Variants in KCNQ1 observed in about 807,000 individuals in gnomAD.
KCNQ1 encodes potassium voltage-gated channel subfamily Q member 1, also known as potassium voltage-gated channel subfamily KQT member 1.
A neutral mutation model predicts 72.4 loss-of-function variants in KCNQ1; 49 were observed. The observed-to-expected ratio is 0.68, with a 90% CI of 0.54 to 0.86. KCNQ1 has a LOEUF of 0.86. Among genes scored for constraint, KCNQ1 ranks in the 40% least tolerant of loss-of-function variants. The probability of loss-of-function intolerance (pLI) is 0.00; values close to 1 mark genes in which losing one functional copy is unlikely to be tolerated. For missense variants in KCNQ1, 790 were observed against 945.1 expected (o/e 0.84, Z 2.15); for synonymous variants, 450 against 412.6 (o/e 1.09, Z -1.10).
At chr11:2,511,593 G>T (rs1333581373) in intron 1 of KCNQ1, among the ~76,000 whole-genome samples, 1 of 152,190 alleles carries the variant, frequency 6.6e-6, no homozygotes, top group Non-Finnish European at 1.5e-5. Flanking sequence ...GCCAGAGCTG[G>T]GCTCCTGTTG....
chr11:2,472,084 A>G (rs1846485893), intron 1 of KCNQ1, among the ~76,000 whole-genome samples: 1 of 146,734 alleles, frequency 6.8e-6, no homozygotes, highest in Admixed American at 6.8e-5. Flanking sequence ...GTGTTCATGT[A>G]TATATGGGTG....
chr11:2,649,169 C>T, intron 10 of KCNQ1: 1 of 397,938 alleles, frequency 2.5e-6, no homozygotes, highest in East Asian at 3.6e-5. Context: ...TTCATTTAGC[C>T]AGTATCTATC....
At chr11:2,721,289 AG>A (rs1332034566) in intron 11 of KCNQ1, among the ~76,000 whole-genome samples, 1 of 152,174 alleles carries the variant, frequency 6.6e-6, no homozygotes, top group East Asian at 1.9e-4. Flanking sequence ...GGGGTTGAAA[AG>A]CTACCCGCAG....
At chr11:2,577,355 A>G (rs1221530731) in intron 6 of KCNQ1, among the ~76,000 whole-genome samples, 1 of 152,216 alleles carries the variant, frequency 6.6e-6, no homozygotes, top group South Asian at 2.1e-4. Context: ...GCCCAGGAGC[A>G]GGGAGGCCTC....
At chr11:2,459,969 T>C (rs1250063046) in intron 1 of KCNQ1, among the ~76,000 whole-genome samples, 1 of 152,184 alleles carries the variant, frequency 6.6e-6, no homozygotes, top group East Asian at 1.9e-4. Context: ...AATTTAATAG[T>C]AGCTGACGTG....
In KCNQ1 at chr11:2,598,896, A is replaced by G. The variant is rs1043260727; in HGVS notation, c.1393+10042A>G. Among the ~76,000 whole-genome samples the G allele has an allele frequency of 6.6e-6, 1 of 152,206 alleles. No homozygotes were observed. The highest frequency in any genetic ancestry group is 1.5e-5 in the Non-Finnish European group (1 of 68,032). On this transcript the variant is annotated intron_variant, in intron 10 of 15. Coordinates refer to ENST00000155840, the MANE Select transcript of KCNQ1 (RefSeq NM_000218.3). The surrounding 1 kb of genome is among the most constrained non-coding windows in gnomAD (Gnocchi z 6.2). ...TTGACTGAGTGAGTTAGAACATGTA[A>G]GTGCTCACCCAGGACCCATATGCAG...
At chr11:2,837,622 G>A (rs1489874209) in intron 15 of KCNQ1, among the ~76,000 whole-genome samples, 1 of 152,112 alleles carries the variant, frequency 6.6e-6, no homozygotes, top group Non-Finnish European at 1.5e-5. Flanking sequence ...AGAGGTGGGG[G>A]ATGGAAAGCA....
chr11:2,609,759 A>G (rs1161617830), intron 10 of KCNQ1: 3 of 398,094 alleles, frequency 7.5e-6, no homozygotes, highest in Admixed American at 4.4e-5. Flanking sequence ...TTGACATTTT[A>G]TCATTATGAG....
At position 2,624,531 on chromosome 11, in the gene KCNQ1, G is replaced by C; in HGVS notation, c.1393+35677G>C. The C allele has an allele frequency of 2.5e-6, 1 of 398,316 alleles. No homozygotes were observed. Among genetic ancestry groups the C allele is most frequent in the Non-Finnish European group, 4.4e-6 (1 of 225,980 alleles). The allele number at this position is 398,316 out of a possible 1,614,324, so 24.7% of individuals were successfully genotyped here. A position where few individuals can be genotyped will look rare whatever the true frequency, so the allele number is the denominator to read the frequency against. ...TAGATTTCTTCCTATGTTATCTTCTGGGATTTCTATTTGTTGTTGATTTCC... is the reference window on the plus strand; with the variant it reads ...TAGATTTCTTCCTATGTTATCTTCTCGGATTTCTATTTGTTGTTGATTTCC... On this transcript the variant is annotated intron_variant, in intron 10 of 15. Transcript: ENST00000155840. This position sits in a 1 kb window ranked among gnomAD's most constrained non-coding sequence, Gnocchi z 4.9.
At position 2,724,549 on chromosome 11, in the gene KCNQ1, G is replaced by A. The variant is rs561071189; in HGVS notation, c.1515-44295G>A. 3.3e-5 allele frequency among the ~76,000 whole-genome samples: 5 copies of A among 152,314 alleles called. No individual in the cohort carries two copies. The East Asian group carries it at 5.8e-4, about 18-fold the overall frequency. On this transcript the variant is annotated intron_variant, in intron 11 of 15. Transcript: ENST00000155840. The surrounding 1 kb of genome is among the most constrained non-coding windows in gnomAD (Gnocchi z 6.8). The stretch of plus-strand genomic sequence containing the variant: ...CGTGGCTGCACTGAGGGCAGAAGGG[G>A]CCTTGTCACCTAGGAAGGACCCCAC...
rs1283402496 is a variant in KCNQ1 at position 2,768,715 on chromosome 11, A to G, written c.1515-129A>G. ...GACATGGCCTAAGTATCTCCATCCC[A>G]TGGAGTTGAACACTCTCCTTGTTTC... is the stretch of plus-strand genomic sequence containing the variant. On this transcript the variant is annotated intron_variant, in intron 11 of 15. Coordinates refer to ENST00000155840, the MANE Select transcript of KCNQ1 (RefSeq NM_000218.3). This position sits in a 1 kb window ranked among gnomAD's most constrained non-coding sequence, Gnocchi z 6.7. 1.3e-5 allele frequency: 10 copies of G among 770,546 alleles called. No individual in the cohort carries two copies. The highest frequency in any genetic ancestry group is 7.8e-5 in the East Asian group (3 of 38,430). The allele number at this position is 770,546 out of a possible 1,614,324, so 47.7% of individuals were successfully genotyped here. A position where few individuals can be genotyped will look rare whatever the true frequency, so the allele number is the denominator to read the frequency against.
intron 10 of KCNQ1, among the ~76,000 whole-genome samples, chr11:2,607,223 G>A (rs1564831715): frequency 6.6e-6 from 1 of 152,044 alleles, no homozygotes; most frequent in Non-Finnish European, 1.5e-5. Context: ...TTTAATAGAT[G>A]CCCTTTATCA....
chr11:2,719,637 G>A (rs1271486282), intron 11 of KCNQ1, among the ~76,000 whole-genome samples: 2 of 152,176 alleles, frequency 1.3e-5, no homozygotes, highest in East Asian at 1.9e-4. Context: ...GCTGGCTGGC[G>A]AGCCTTGCTG....
intron 10 of KCNQ1, chr11:2,630,957 T>C: frequency 2.5e-6 from 1 of 398,560 alleles, no homozygotes; most frequent in Non-Finnish European, 4.4e-6. Context: ...GATAGCCTTA[T>C]GGAGGTTCCT....
In KCNQ1 at chr11:2,475,906, C is replaced by A. The variant is rs1175859165; in HGVS notation, c.386+30422C>A. On this transcript the variant is annotated intron_variant, in intron 1 of 15. Coordinates refer to ENST00000155840, the MANE Select transcript of KCNQ1 (RefSeq NM_000218.3). This position sits in a 1 kb window ranked among gnomAD's most constrained non-coding sequence, Gnocchi z 5.8. Reference sequence around the variant, plus strand: ...CGCCATGATTGTGAGGCTTCCCCAGCCACATGGAACTGTAAGTCCAATTAA... The same window carrying A: ...CGCCATGATTGTGAGGCTTCCCCAGACACATGGAACTGTAAGTCCAATTAA... Among the ~76,000 whole-genome samples the A allele has an allele frequency of 6.6e-6, 1 of 152,236 alleles. No homozygotes were observed. Among genetic ancestry groups the A allele is most frequent in the African/African-American group, 2.4e-5 (1 of 41,458 alleles).
intron 2 of KCNQ1, among the ~76,000 whole-genome samples, chr11:2,531,304 G>A (rs376338848): frequency 2.7e-4 from 41 of 152,092 alleles, no homozygotes; most frequent in Admixed American, 2.5e-3. Context: ...AGAATTAGAC[G>A]TGCCCTGGGC....
intron 11 of KCNQ1, among the ~76,000 whole-genome samples, chr11:2,733,221 C>T (rs780036862): frequency 2.1e-5 from 3 of 140,746 alleles, no homozygotes; most frequent in African/African-American, 7.7e-5. Context: ...CCCCCACCCC[C>T]AGGCCTCTCT....
intron 1 of KCNQ1, among the ~76,000 whole-genome samples, chr11:2,513,080 G>T (rs1477757291): frequency 6.6e-6 from 1 of 152,076 alleles, no homozygotes; most frequent in South Asian, 2.1e-4. Flanking sequence ...GAGAGCTCCC[G>T]AGGAGAAAGC....
chr11:2,589,544 C>T (rs1156262329), intron 10 of KCNQ1, among the ~76,000 whole-genome samples: 1 of 152,154 alleles, frequency 6.6e-6, no homozygotes, highest in Non-Finnish European at 1.5e-5. Context: ...GAGCGAGGCC[C>T]TAGAGGCTGG....
Sources: allele counts gnomAD v4.1 joint callset (sites outside exome capture counted in the v4.1 genomes callset), GRCh38; gene constraint gnomAD v4.1.1; non-coding constraint Gnocchi (gnomAD v3.1); transcripts MANE v1.5; gene names NCBI Gene and HGNC (gene_info 2026-07-23, HGNC 2026-07-21).